The following REV1 variants were observed in gnomAD, a reference collection of about 807,000 sequenced individuals.
REV1 encodes REV1 DNA directed polymerase.
REV1 carries 42 observed loss-of-function variants against 137.4 expected under a neutral mutation model. The observed-to-expected ratio is 0.31, with a 90% CI of 0.24 to 0.40. The LOEUF is 0.40. REV1 is among the 10% of genes least tolerant of loss of function. The pLI, the probability that REV1 is intolerant of heterozygous loss-of-function variation, is 1.00. For synonymous variants in REV1, 524 were observed against 519.2 expected, an observed-to-expected ratio of 1.01 and a Z score of -0.12; for missense variants, 1,282 against 1,490.1, an observed-to-expected ratio of 0.86 and a Z score of 2.30.
intron 12 of REV1, 123 bp from the exon 13 acceptor site, chr2:99,413,074 A>G: frequency 1.4e-6 from 1 of 713,476 alleles, no homozygotes; most frequent in Non-Finnish European, 2.3e-6. Flanking sequence ...GTCTTTAGGC[A>G]ACATAACTGA....
rs1352310666 is a variant in REV1 at position 99,415,616 on chromosome 2, G to A, written c.1952-2665C>T. ...GTGACCACTGAGCACTTGCCATGTG[G>A]CCAGGGCAGTGAGGAACTGAACTGG... is the stretch of plus-strand genomic sequence containing the variant. On this transcript the variant is annotated intron_variant, in intron 12 of 22. Coordinates refer to ENST00000258428, the MANE Select transcript of REV1 (RefSeq NM_016316.4). 4.6e-5 allele frequency among the ~76,000 whole-genome samples: 7 copies of A among 152,224 alleles called. 1 individual carries two copies. Among genetic ancestry groups the A allele is most frequent in the Admixed American group, 2.6e-4 (4 of 15,284 alleles).
chr2:99,458,654 G>C (rs913133926), intron 3 of REV1, among the ~76,000 whole-genome samples: 2 of 152,188 alleles, frequency 1.3e-5, no homozygotes, highest in Admixed American at 1.3e-4. Flanking sequence ...CCTAACAGAT[G>C]AAAGGTTAAC....
intron 3 of REV1, among the ~76,000 whole-genome samples, chr2:99,453,450 T>G (rs1317249695): frequency 6.6e-6 from 1 of 152,120 alleles, no homozygotes; most frequent in South Asian, 2.1e-4. Flanking sequence ...AAGAAGGAGC[T>G]CTAGAGCTAA....
intron 4 of REV1, among the ~76,000 whole-genome samples, chr2:99,445,468 T>G (rs1682078229): frequency 6.6e-6 from 1 of 152,176 alleles, no homozygotes; most frequent in South Asian, 2.1e-4. Flanking sequence ...GTTCTCAATC[T>G]ACAAGGATCA....
Position 99,462,497 on chromosome 2 carries a change from T to A in REV1, c.180A>T (p.Thr60=), listed in dbSNP as rs764637331. Residue 60 remains threonine (T), a splice_region_variant and synonymous_variant, in exon 3 of 23, where the codon ACA becomes ACT. Transcript: ENST00000258428. ...SGVAIYVNGY[T]DPSAEELRKL... is the part of the protein sequence containing the mutation. ...AGGGTTAAGTAAAAAGTACTCAACC[T>A]GTGTATCCATTAACATAGATGGCAA... 2 of 1,610,206 alleles carry A rather than the reference T, an allele frequency of 1.2e-6. No individual in the cohort carries two copies. The highest frequency in any genetic ancestry group is 2.2e-5 in the South Asian group (2 of 90,330).
At position 99,427,044 on chromosome 2, in the gene REV1, G is replaced by A. The variant is rs181229966; in HGVS notation, c.1548-2764C>T. ...CTAAAAATACAAAAATTAGCCAGGC[G>A]TGGTGGCGGGAGCAGTAATCCCAGC... is the stretch of plus-strand genomic sequence containing the variant. On this transcript the variant is annotated intron_variant, in intron 9 of 22. Coordinates refer to ENST00000258428, the MANE Select transcript of REV1 (RefSeq NM_016316.4). Among the ~76,000 whole-genome samples the A allele has an allele frequency of 3.0e-3, 457 of 152,114 alleles. 3 individuals carry two copies. The highest frequency in any genetic ancestry group is 0.01 in the African/African-American group (430 of 41,484).
chr2:99,455,903 T>G (rs1280985240), intron 3 of REV1, among the ~76,000 whole-genome samples: 6 of 152,312 alleles, frequency 3.9e-5, no homozygotes, highest in South Asian at 4.1e-4. Flanking sequence ...TCCACCTGCT[T>G]TTTCACAAAC....
rs1485379152 is a variant in REV1 at position 99,439,043 on chromosome 2, A to G, written c.771T>C (p.Phe257=). The G allele has an allele frequency of 6.2e-7, 1 of 1,614,164 alleles. No homozygotes were observed. Among genetic ancestry groups the G allele is most frequent in the Non-Finnish European group, 8.5e-7 (1 of 1,180,000 alleles). Residue 257 remains phenylalanine, a synonymous_variant, in exon 6 of 23, where the codon TTT becomes TTC. Coordinates refer to ENST00000258428, the MANE Select transcript of REV1 (RefSeq NM_016316.4). ...TCTCAGCCTTATCCTCCTCCTGGGA[A>G]AAGGCTGGAGAAAGCCTGCTGGCAA... ...NSVASRLSPA[F]SQEEDKAEKS...
chr2:99,483,176 T>C (rs1447273981), intron 1 of REV1, among the ~76,000 whole-genome samples: 1 of 152,074 alleles, frequency 6.6e-6, no homozygotes, highest in Non-Finnish European at 1.5e-5. Flanking sequence ...TTGAATTTAT[T>C]ATGAGTAAAA....
chr2:99,477,734 G>A (rs1051516124), intron 1 of REV1, among the ~76,000 whole-genome samples: 2 of 152,150 alleles, frequency 1.3e-5, no homozygotes, highest in Admixed American at 6.5e-5. Flanking sequence ...AAAGGAAAGC[G>A]TCTATCCCAA....
At chr2:99,481,211 A>C (rs193149553) in intron 1 of REV1, among the ~76,000 whole-genome samples, 327 of 152,346 alleles carry the variant, frequency 2.1e-3, no homozygotes, top group African/African-American at 6.8e-3. Flanking sequence ...TAACTAATGA[A>C]TAATTACGTA....
intron 1 of REV1, among the ~76,000 whole-genome samples, chr2:99,469,628 T>C (rs762078221): frequency 6.6e-6 from 1 of 152,214 alleles, no homozygotes; most frequent in African/African-American, 2.4e-5. Flanking sequence ...ATTCTCTCAA[T>C]AGGGATGTTC....
intron 17 of REV1, 111 bp from the exon 18 acceptor site, chr2:99,404,788 G>A (rs1676042756): frequency 2.6e-6 from 2 of 773,090 alleles, no homozygotes; most frequent in Non-Finnish European, 4.3e-6. Flanking sequence ...GATAATCAAT[G>A]TAAGGTACAG....
intron 1 of REV1, among the ~76,000 whole-genome samples, chr2:99,489,275 C>G (rs1386098733): frequency 6.6e-6 from 1 of 152,158 alleles, no homozygotes; most frequent in East Asian, 1.9e-4. Flanking sequence ...CCGGGGACGT[C>G]GAAGGCGGGG....
chr2:99,442,219 T>C lies in REV1; in HGVS notation c.503+98A>G, dbSNP rs1317726341. The C allele has an allele frequency of 4.3e-6, 5 of 1,163,284 alleles. No homozygotes were observed. In the Admixed American group the frequency reaches 1.7e-4, roughly 39 times the overall value. The allele number at this position is 1,163,284 out of a possible 1,614,324, so 72.1% of individuals were successfully genotyped here. On this transcript the variant is annotated intron_variant, in intron 5 of 22. Coordinates refer to ENST00000258428, the MANE Select transcript of REV1 (RefSeq NM_016316.4). ...ATGAGCCGAGATCATACCATTGCAC[T>C]CCAGCCTCGGCAACAAGAGCAAAAC...
chr2:99,403,948 A>AT, intron 18 of REV1, 133 bp from the exon 19 acceptor site: 1 of 1,052,518 alleles, frequency 9.5e-7, no homozygotes, highest in Non-Finnish European at 1.4e-6. Context: ...CAGTTCCCCA[A>AT]TATCAAAGCT....
intron 1 of REV1, among the ~76,000 whole-genome samples, chr2:99,486,581 T>C (rs893875185): frequency 1.7e-4 from 26 of 152,002 alleles, no homozygotes; most frequent in Middle Eastern, 3.4e-3. Flanking sequence ...TTAACTCAAT[T>C]ATTACTCACC....
In REV1 at chr2:99,406,061, G is replaced by A; in HGVS notation, c.2660C>T (p.Thr887Ile). 1 of 1,613,724 alleles carries A rather than the reference G, an allele frequency of 6.2e-7. No homozygotes were observed. The highest frequency in any genetic ancestry group is 8.5e-7 in the Non-Finnish European group (1 of 1,179,892). The change falls in exon 17 of 23, where the codon ACT becomes ATT. Residue 887 changes from threonine (T) to isoleucine (I), a missense_variant. Thr to Ile is a moderately conservative substitution (Grantham distance 89, BLOSUM62 -1). This residue lies in a region of REV1 where 372 missense variants were observed against 482.3 expected (regional missense o/e 0.77). Transcript: ENST00000258428. Reference protein sequence around the residue: ...VDLEISSASRTCTFLPPFPAH... With the variant: ...VDLEISSASRICTFLPPFPAH... ...AGGAAAAGGTGGCAAGAAAGTGCAA[G>A]TTCTAGAAGCAGATGATATTTCCAG...
chr2:99,472,921 TG>T (rs1308461185), intron 1 of REV1, among the ~76,000 whole-genome samples: 2 of 152,212 alleles, frequency 1.3e-5, no homozygotes, highest in African/African-American at 2.4e-5. Context: ...CAGCTGTTTG[TG>T]GGTTTTGTTT....
Sources: gnomAD v4.1 joint callset for allele counts (sites outside exome capture counted in the v4.1 genomes callset) on GRCh38, gnomAD v4.1.1 for gene constraint, gnomAD v4.1.1 regional missense constraint, MANE v1.5 for transcripts, NCBI Gene and HGNC (gene_info 2026-07-23, HGNC 2026-07-21) for gene names.